SRBD1: variants seen among roughly 807,000 people sequenced by gnomAD.
SRBD1 encodes the protein S1 RNA binding domain 1.
In SRBD1, 88 loss-of-function variants were observed where a neutral mutation model predicts 115.3. The observed-to-expected ratio is 0.76, with a 90% CI of 0.64 to 0.91. The LOEUF (loss-of-function observed/expected upper bound fraction) is 0.91, where lower values mean the gene tolerates loss of function less well. Ranked by LOEUF, SRBD1 falls within the 40% of genes least tolerant of loss-of-function variation. SRBD1 has a pLI of 0.00. For missense variants in SRBD1, 1,385 were observed against 1,177.4 expected, an observed-to-expected ratio of 1.18 and a Z score of -2.58; for synonymous variants, 509 against 407.7, an observed-to-expected ratio of 1.25 and a Z score of -2.99.
intron 14 of SRBD1, among the ~76,000 whole-genome samples, chr2:45,539,712 G>A (rs1326514583): frequency 6.6e-6 from 1 of 152,158 alleles, no homozygotes; most frequent in Admixed American, 6.5e-5. Context: ...TAGTATCTAA[G>A]GGAGTGTAGC....
At chr2:45,563,269 A>G (rs1038085275) in intron 9 of SRBD1, among the ~76,000 whole-genome samples, 39 of 152,156 alleles carry the variant, frequency 2.6e-4, no homozygotes, top group Middle Eastern at 3.2e-3. Flanking sequence ...TTCACTTTAT[A>G]TAATAATTTT....
At chr2:45,422,474 C>T (rs1668034489) in intron 16 of SRBD1, among the ~76,000 whole-genome samples, 1 of 152,118 alleles carries the variant, frequency 6.6e-6, no homozygotes, top group African/African-American at 2.4e-5. Context: ...CAGTGATTTG[C>T]CACCGGCATA....
At chr2:45,506,570 C>T (rs937763566) in intron 14 of SRBD1, among the ~76,000 whole-genome samples, 13 of 152,170 alleles carry the variant, frequency 8.5e-5, no homozygotes, top group Admixed American at 5.9e-4. Flanking sequence ...CTATTTCACA[C>T]TAAATCAGCC....
At chr2:45,428,454 G>C (rs1178425325) in intron 16 of SRBD1, among the ~76,000 whole-genome samples, 1 of 152,146 alleles carries the variant, frequency 6.6e-6, no homozygotes, top group Non-Finnish European at 1.5e-5. Flanking sequence ...GGGAGGCTGA[G>C]GTAGGAGAAT....
chr2:45,487,618 A>C (rs1477028911), intron 15 of SRBD1, among the ~76,000 whole-genome samples: 1 of 152,030 alleles, frequency 6.6e-6, no homozygotes, highest in African/African-American at 2.4e-5. Context: ...TTGTAACAAT[A>C]ATAAAAGATC....
At chr2:45,512,136 T>A (rs1336740047) in intron 14 of SRBD1, among the ~76,000 whole-genome samples, 2 of 152,212 alleles carry the variant, frequency 1.3e-5, no homozygotes, top group Non-Finnish European at 2.9e-5. Flanking sequence ...TGTCAAGATA[T>A]GAGTCTTGCC....
At chr2:45,596,074 G>T (rs1330897681) in intron 4 of SRBD1, among the ~76,000 whole-genome samples, 1 of 151,990 alleles carries the variant, frequency 6.6e-6, no homozygotes, top group Non-Finnish European at 1.5e-5. Flanking sequence ...TTTCTAAGAG[G>T]GCAAAAGGCC....
At chr2:45,394,656 T>G (rs140703641) in intron 19 of SRBD1, among the ~76,000 whole-genome samples, 1 of 152,240 alleles carries the variant, frequency 6.6e-6, no homozygotes, top group Non-Finnish European at 1.5e-5. Flanking sequence ...GATACTCTGA[T>G]AATAATAATC....
intron 11 of SRBD1, among the ~76,000 whole-genome samples, chr2:45,552,763 G>C (rs539799584): frequency 6.6e-6 from 1 of 152,110 alleles, no homozygotes; most frequent in Non-Finnish European, 1.5e-5. Context: ...GAGATTAAAT[G>C]ACTTTGGTAA....
chr2:45,566,321 GATGA>G (rs1434094747), intron 9 of SRBD1, among the ~76,000 whole-genome samples: 1 of 152,190 alleles, frequency 6.6e-6, no homozygotes, highest in Non-Finnish European at 1.5e-5. Flanking sequence ...TTCACTGACT[GATGA>G]ATGGATAAGT....
At chr2:45,396,716 T>A (rs913436632) in intron 19 of SRBD1, among the ~76,000 whole-genome samples, 1 of 152,196 alleles carries the variant, frequency 6.6e-6, no homozygotes, top group Non-Finnish European at 1.5e-5. Context: ...AAAAGTCTTG[T>A]AAGGCTTTTC....
intron 14 of SRBD1, among the ~76,000 whole-genome samples, chr2:45,538,788 A>C (rs1190740245): frequency 6.6e-6 from 1 of 152,240 alleles, no homozygotes; most frequent in Non-Finnish European, 1.5e-5. Context: ...GCATAAGTAA[A>C]ATAACTACAA....
chr2:45,414,719 T>TACAC (rs372893503), intron 18 of SRBD1, among the ~76,000 whole-genome samples: 1 of 81,522 alleles, frequency 1.2e-5, no homozygotes, highest in African/African-American at 5.0e-5. Context: ...AGTATGTATA[T>TACAC]ACACACACAC....
intron 5 of SRBD1, among the ~76,000 whole-genome samples, 162 bp from the exon 6 acceptor site, chr2:45,581,972 T>C (rs573591916): frequency 6.6e-6 from 1 of 152,360 alleles, no homozygotes; most frequent in Admixed American, 6.5e-5. Context: ...AACACTTTAG[T>C]GTGATTTCCT....
rs749259845 is a variant in SRBD1, at chr2:45,605,415, T to C, written c.27A>G (p.Lys9=). 2 of 1,613,786 alleles carry C rather than the reference T, an allele frequency of 1.2e-6. No homozygotes were observed. The highest frequency in any genetic ancestry group is 1.7e-6 in the Non-Finnish European group (2 of 1,179,988). The change falls in exon 2 of 21, where the codon AAA becomes AAG. Residue 9 remains lysine (K), a synonymous_variant. Transcript: ENST00000263736. MSSLPRRA[K]VQVQDVVLKD... ...TCAGTACCACATCCTGGACCTGTAC[T>C]TTCGCTCTTCTTGGCAATGATGACA... is the stretch of plus-strand genomic sequence containing the variant.
At chr2:45,575,781 G>A (rs1673156547) in intron 7 of SRBD1, among the ~76,000 whole-genome samples, 1 of 152,126 alleles carries the variant, frequency 6.6e-6, no homozygotes, top group African/African-American at 2.4e-5. Flanking sequence ...TTGGCTCACT[G>A]CAACCTCTGC....
At chr2:45,597,849 G>A (rs1313638279) in intron 4 of SRBD1, among the ~76,000 whole-genome samples, 1 of 152,172 alleles carries the variant, frequency 6.6e-6, no homozygotes, top group East Asian at 1.9e-4. Context: ...GTAACAGAGG[G>A]TGGGAAGCAG....
At chr2:45,567,869 A>G (rs1279943892) in intron 9 of SRBD1, 1 of 152,242 alleles carries the variant, frequency 6.6e-6, no homozygotes, top group Non-Finnish European at 1.5e-5. Flanking sequence ...CCATAATATC[A>G]CAATACATTA....
chr2:45,597,551 T>C (rs1028587869), intron 4 of SRBD1, among the ~76,000 whole-genome samples: 5 of 152,162 alleles, frequency 3.3e-5, no homozygotes, highest in African/African-American at 1.2e-4. Context: ...GAAAATCTTA[T>C]CTGCTGAGAA....
Sources: gnomAD v4.1 joint callset for allele counts (sites outside exome capture counted in the v4.1 genomes callset) on GRCh38, gnomAD v4.1.1 for gene constraint, MANE v1.5 for transcripts, NCBI Gene and HGNC (gene_info 2026-07-23, HGNC 2026-07-21) for gene names.